COL13A1: variants seen among roughly 807,000 people sequenced by gnomAD.
COL13A1 encodes the protein collagen alpha-1(XIII) chain.
COL13A1 carries 89 observed loss-of-function variants against 130.9 expected under a neutral mutation model. The observed-to-expected ratio is 0.68, with a 90% CI of 0.57 to 0.81. COL13A1 has a LOEUF of 0.81. COL13A1 is among the 30% of genes least tolerant of loss of function. COL13A1 has a pLI of 0.00. For missense variants in COL13A1, 879 were observed against 934.6 expected (o/e 0.94, Z 0.78); for synonymous variants, 402 against 341.6 (o/e 1.18, Z -1.95).
At chr10:69,942,372 C>T (rs1404581281) in intron 35 of COL13A1, among the ~76,000 whole-genome samples, 1 of 152,208 alleles carries the variant, frequency 6.6e-6, no homozygotes, top group East Asian at 1.9e-4. Flanking sequence ...GTCCCTCCCT[C>T]TCCATCCTTC....
chr10:69,872,118 A>G, intron 3 of COL13A1, 66 bp from the exon 4 acceptor site: 1 of 1,590,010 alleles, frequency 6.3e-7, no homozygotes, highest in Non-Finnish European at 8.6e-7. Flanking sequence ...GCTGGTTGAG[A>G]CAGTGTTCAA....
intron 14 of COL13A1, among the ~76,000 whole-genome samples, chr10:69,900,638 G>T (rs180839194): frequency 6.6e-6 from 1 of 152,196 alleles, no homozygotes; most frequent in African/African-American, 2.4e-5. Context: ...TCTACAAGCC[G>T]CTTAAACATT....
chr10:69,936,435 C>G (rs2066930569), intron 32 of COL13A1, among the ~76,000 whole-genome samples: 1 of 152,222 alleles, frequency 6.6e-6, no homozygotes, highest in Admixed American at 6.5e-5. Flanking sequence ...ATGCTAGACA[C>G]TGTTCCAAGC....
rs138880506 is a variant in COL13A1 at position 69,883,207 on chromosome 10, A to G, written c.513+2654A>G. Reference sequence around the variant, plus strand: ...TGGAATACAGTGTTGGGGCACGTTGACTTTAAGGGAGGCTCAGTAAATCGA... The same window carrying G: ...TGGAATACAGTGTTGGGGCACGTTGGCTTTAAGGGAGGCTCAGTAAATCGA... On this transcript the variant is annotated intron_variant, in intron 7 of 40. Coordinates refer to ENST00000645393, the MANE Select transcript of COL13A1 (RefSeq NM_001368882.1). Among the ~76,000 whole-genome samples the G allele has an allele frequency of 2.0e-3, 302 of 152,246 alleles. 1 individual carries two copies. The highest frequency in any genetic ancestry group is 7.0e-3 in the African/African-American group (292 of 41,550).
At chr10:69,848,260 A>C (rs1853694307) in intron 2 of COL13A1, among the ~76,000 whole-genome samples, 1 of 152,214 alleles carries the variant, frequency 6.6e-6, no homozygotes, top group African/African-American at 2.4e-5. Flanking sequence ...TGAGCAAGCT[A>C]CCGGCCTGAG....
chr10:69,874,534 C>T lies in COL13A1; in HGVS notation c.400-594C>T, dbSNP rs61153001. Among the ~76,000 whole-genome samples the T allele has an allele frequency of 1.8e-3, 269 of 152,334 alleles. 3 individuals carry two copies. Among genetic ancestry groups the T allele is most frequent in the African/African-American group, 6.4e-3 (265 of 41,566 alleles). Reference sequence around the variant, plus strand: ...CATTTCCCTTGGAGCATCTGCAACTCGTGATTCGGCTGAATCCACATGGCT... The same window carrying T: ...CATTTCCCTTGGAGCATCTGCAACTTGTGATTCGGCTGAATCCACATGGCT... On this transcript the variant is annotated intron_variant, in intron 4 of 40. Transcript: ENST00000645393.
At chr10:69,952,350 T>C (rs568774919) in intron 38 of COL13A1, among the ~76,000 whole-genome samples, 3 of 146,708 alleles carry the variant, frequency 2.0e-5, no homozygotes, top group African/African-American at 7.6e-5. Flanking sequence ...TGTATACTCA[T>C]ACATACATAT....
intron 2 of COL13A1, among the ~76,000 whole-genome samples, chr10:69,824,395 C>T (rs2132684430): frequency 6.6e-6 from 1 of 152,360 alleles, no homozygotes; most frequent in South Asian, 2.1e-4. Context: ...CATCAGTTGT[C>T]TGATGGCCTT....
chr10:69,936,181 GGA>G (rs1439599361), intron 32 of COL13A1, among the ~76,000 whole-genome samples: 9 of 126,566 alleles, frequency 7.1e-5, no homozygotes, highest in Admixed American at 1.7e-4. Context: ...AGGAAGGAAA[GGA>G]AAGGAAGGAA....
intron 37 of COL13A1, 33 bp from the exon 38 acceptor site, chr10:69,947,274 T>G: frequency 6.2e-7 from 1 of 1,611,802 alleles, no homozygotes; most frequent in Non-Finnish European, 8.5e-7. Context: ...TGTGTCCTCA[T>G]TAACATGCCT....
chr10:69,940,841 C>T, intron 34 of COL13A1, 147 bp from the exon 35 acceptor site: 2 of 1,108,918 alleles, frequency 1.8e-6, no homozygotes, highest in Non-Finnish European at 2.7e-6. Flanking sequence ...TCCTCCCAAG[C>T]TTATTTCTCC....
rs188014485 is a variant in COL13A1 at position 69,860,427 on chromosome 10, C to T, written c.365-7371C>T. 3.2e-3 allele frequency among the ~76,000 whole-genome samples: 495 copies of T among 152,338 alleles called. 2 individuals are homozygous for T. The highest frequency in any genetic ancestry group is 5.6e-3 in the Non-Finnish European group (379 of 68,022). On this transcript the variant is annotated intron_variant, in intron 2 of 40. Transcript: ENST00000645393. ...TTTACCCCCTCATACCGCACTGAGC[C>T]GTGCTTCCAAGCACCTGCCTTCTGC...
At chr10:69,845,585 C>G (rs1429908852) in intron 2 of COL13A1, among the ~76,000 whole-genome samples, 2 of 152,158 alleles carry the variant, frequency 1.3e-5, no homozygotes, top group African/African-American at 4.8e-5. Context: ...TCACTCCTTC[C>G]CCTCCCTCAG....
intron 24 of COL13A1, 38 bp from the exon 25 acceptor site, chr10:69,924,925 C>T: frequency 1.9e-6 from 3 of 1,554,810 alleles, no homozygotes; most frequent in Non-Finnish European, 2.6e-6. Flanking sequence ...TCTGTACCAA[C>T]TTTATCCCCA....
At chr10:69,809,778 A>G (rs577033281) in intron 1 of COL13A1, among the ~76,000 whole-genome samples, 2 of 152,364 alleles carry the variant, frequency 1.3e-5, no homozygotes, top group Admixed American at 1.3e-4. Flanking sequence ...TAAGAAAGAC[A>G]TTATGAGAGT....
intron 1 of COL13A1, among the ~76,000 whole-genome samples, chr10:69,820,922 C>T (rs1348640357): frequency 6.6e-6 from 1 of 152,182 alleles, no homozygotes; most frequent in Non-Finnish European, 1.5e-5. Context: ...CCTTGTGAAG[C>T]TTTCTGACCT....
chr10:69,914,062 G>T (rs975235052), intron 17 of COL13A1, among the ~76,000 whole-genome samples: 5 of 152,116 alleles, frequency 3.3e-5, no homozygotes, highest in African/African-American at 1.2e-4. Flanking sequence ...CATCAACAGG[G>T]GCTGAGGACA....
rs60054259 is a variant in COL13A1 at position 69,904,905 on chromosome 10, CTTTTTTT to C, written c.859-17_859-11del. 1.7e-3 allele frequency: 2,521 copies of C among 1,475,780 alleles called. 47 individuals are homozygous for C. In the South Asian group the frequency reaches 0.028, roughly 16 times the overall value. 91.4% of individuals were successfully genotyped at this position (1,475,780 alleles called of 1,614,324 possible). On this transcript the variant is annotated intron_variant, in intron 15 of 40. Transcript: ENST00000645393. ...CAGCTCTACTCACCTTTTCTTTTTT[CTTTTTTT>C]TTTTTTTTTTGCTTCCACAGGGCTT... is the stretch of plus-strand genomic sequence containing the variant.
intron 2 of COL13A1, among the ~76,000 whole-genome samples, chr10:69,865,044 G>C (rs1397551481): frequency 6.6e-6 from 1 of 152,208 alleles, no homozygotes; most frequent in South Asian, 2.1e-4. Context: ...GGTAGTACGG[G>C]CAGTACCTCA....
Sources: gnomAD v4.1 joint callset for allele counts (sites outside exome capture counted in the v4.1 genomes callset) on GRCh38, gnomAD v4.1.1 for gene constraint, MANE v1.5 for transcripts, NCBI Gene and HGNC (gene_info 2026-07-23, HGNC 2026-07-21) for gene names.